Variants in SF3A2 observed in about 807,000 individuals in gnomAD.
The protein encoded by SF3A2 is splicing factor 3a subunit 2, also known as SAP 62.
SF3A2 carries 5 observed loss-of-function variants against 31.1 expected under a neutral mutation model. The observed-to-expected ratio is 0.16, with a 90% CI of 0.08 to 0.34. The LOEUF (loss-of-function observed/expected upper bound fraction) is 0.34. Ranked by LOEUF, SF3A2 falls within the 10% of genes least tolerant of loss-of-function variation. SF3A2 has a pLI of 1.00. For missense variants in SF3A2, 577 were observed against 643.9 expected (o/e 0.90, Z 1.13); for synonymous variants, 365 against 263.7 (o/e 1.38, Z -3.72).
chr19:2,242,184 G>A (rs560064690), intron 1 of SF3A2, among the ~76,000 whole-genome samples: 7 of 151,426 alleles, frequency 4.6e-5, no homozygotes, highest in South Asian at 2.1e-4. Context: ...CACACCTGCG[G>A]CCACTGTGCC....
chr19:2,245,081 G>A lies in SF3A2; in HGVS notation c.245+302G>A. 1 of 514,560 alleles carries A rather than the reference G, an allele frequency of 1.9e-6. No individual in the cohort carries two copies. The highest frequency in any genetic ancestry group is 3.5e-6 in the Non-Finnish European group (1 of 288,744). The allele number at this position is 514,560 out of a possible 1,614,324, so 31.9% of individuals were successfully genotyped here. A position where few individuals can be genotyped will look rare whatever the true frequency, so the allele number is the denominator to read the frequency against. Reference sequence around the variant, plus strand: ...CACGTCTGTAATCACAGCTACTATGGAGGCTGAGGCAGGAGAATCTTGAAT... The same window carrying A: ...CACGTCTGTAATCACAGCTACTATGAAGGCTGAGGCAGGAGAATCTTGAAT... On this transcript the variant is annotated intron_variant, in intron 4 of 8. Transcript: ENST00000221494. This position sits in a 1 kb window ranked among gnomAD's most constrained non-coding sequence, Gnocchi z 4.2.
chr19:2,244,868 C>T (rs150472707), intron 4 of SF3A2, 89 bp downstream of exon 4: 224 of 1,297,186 alleles, frequency 1.7e-4, no homozygotes, highest in Non-Finnish European at 2.3e-4. Context: ...GCTCCACAGC[C>T]GGGGAGCCAG....
At position 2,246,854 on chromosome 19, in the gene SF3A2, G is replaced by GC. The variant is rs771743749; in HGVS notation, c.406-27dup. ...GGCGGCCAAAGGCACCCAAGAGGCG[G>GC]CTCTGCCACCCGGCCGTGTCCCTGC... On this transcript the variant is annotated intron_variant, in intron 6 of 8. Coordinates refer to ENST00000221494, the MANE Select transcript of SF3A2 (RefSeq NM_007165.5). The surrounding 1 kb of genome is among the most constrained non-coding windows in gnomAD (Gnocchi z 5.5). 2 of 1,612,946 alleles carry GC rather than the reference G, an allele frequency of 1.2e-6. No homozygotes were observed. The highest frequency in any genetic ancestry group is 1.7e-6 in the Non-Finnish European group (2 of 1,179,740).
Position 2,245,802 on chromosome 19 carries a change from T to C in SF3A2, c.355+247T>C. ...AGCTGAGCCACAGTCTGTGCCCTCC[T>C]GTCCGGGTCTTGTGGAAGCTTCTGG... On this transcript the variant is annotated intron_variant, in intron 5 of 8. Transcript: ENST00000221494. The surrounding 1 kb of genome is among the most constrained non-coding windows in gnomAD (Gnocchi z 4.2). 2 of 529,590 alleles carry C rather than the reference T, an allele frequency of 3.8e-6. No homozygotes were observed. The highest frequency in any genetic ancestry group is 6.7e-6 in the Non-Finnish European group (2 of 296,340). 32.8% of individuals were successfully genotyped at this position (529,590 alleles called of 1,614,324 possible).
At chr19:2,247,435 C>G (rs769909440) in intron 7 of SF3A2, among the ~76,000 whole-genome samples, 159 bp from the exon 8 acceptor site, 5 of 152,148 alleles carry the variant, frequency 3.3e-5, no homozygotes, top group Non-Finnish European at 5.9e-5. Flanking sequence ...CTGTTTCACT[C>G]CAGAACTGAA....
chr19:2,248,463 C>A lies in SF3A2; in HGVS notation c.1312C>A (p.Pro438Thr), dbSNP rs369459803. The A allele has an allele frequency of 2.4e-6, 3 of 1,271,746 alleles. No homozygotes were observed. Among genetic ancestry groups the A allele is most frequent in the African/African-American group, 3.2e-5 (2 of 63,296 alleles). 78.8% of individuals were successfully genotyped at this position (1,271,746 alleles called of 1,614,324 possible). ...CCCCTCAAATCCTGGGGTGCACCCC[C>A]CAACTCCCATGCCCCCAATGCTGAG... is the stretch of plus-strand genomic sequence containing the variant. ...VHPSNPGVHP[P>T]TPMPPMLRPP... is the part of the protein sequence containing the mutation. Residue 438 changes from proline to threonine, a missense_variant, in exon 9 of 9, where the codon CCA becomes ACA. By Grantham distance (38) the Pro-to-Thr change is conservative (BLOSUM62 -1). Around this residue, in one of 6 missense-constraint regions of SF3A2, gnomAD observed 462 missense variants for 339.1 expected, o/e 1.36. Coordinates refer to ENST00000221494, the MANE Select transcript of SF3A2 (RefSeq NM_007165.5).
chr19:2,244,454 C>A, intron 2 of SF3A2, 90 bp from the exon 3 acceptor site: 1 of 984,888 alleles, frequency 1.0e-6, no homozygotes, highest in South Asian at 1.4e-5. Context: ...TGCCTCCATG[C>A]CTCTACAGAA....
In SF3A2 at chr19:2,243,495, G is replaced by A. The variant is rs1420615099; in HGVS notation, c.77G>A (p.Arg26His). Residue 26 changes from arginine (R) to histidine (H), a missense_variant, in exon 2 of 9, where the codon CGC (arginine) becomes CAC (histidine). By Grantham distance (29) the Arg-to-His change is conservative. Around this residue, in one of 6 missense-constraint regions of SF3A2, gnomAD observed 40 missense variants for 50.0 expected, o/e 0.80. Coordinates refer to ENST00000221494, the MANE Select transcript of SF3A2 (RefSeq NM_007165.5). Reference sequence around the variant, plus strand: ...TCCTCCTCCGAGAGCAACCGTGACCGCAGGGAGCGCCTCCGGCAGCTGGCC... The same window carrying A: ...TCCTCCTCCGAGAGCAACCGTGACCACAGGGAGCGCCTCCGGCAGCTGGCC... The part of the protein sequence containing the change: ...VASSSESNRD[R>H]RERLRQLALE... 1 of 1,549,598 alleles carries A rather than the reference G, an allele frequency of 6.5e-7. No homozygotes were observed. The highest frequency in any genetic ancestry group is 8.6e-7 in the Non-Finnish European group (1 of 1,156,412).
chr19:2,240,337 C>T (rs2024878824), intron 1 of SF3A2, among the ~76,000 whole-genome samples: 1 of 152,240 alleles, frequency 6.6e-6, no homozygotes, highest in Non-Finnish European at 1.5e-5. Context: ...GTCTCTCTAA[C>T]TCTAGAGGCC....
intron 1 of SF3A2, among the ~76,000 whole-genome samples, chr19:2,242,975 C>T (rs2024903828): frequency 6.6e-6 from 1 of 152,180 alleles, no homozygotes; most frequent in Non-Finnish European, 1.5e-5. Flanking sequence ...AAGGCGTGAA[C>T]ACTAGGGGCT....
Position 2,247,934 on chromosome 19 carries a change from G to A in SF3A2, c.783G>A (p.Leu261=). 6.6e-7 allele frequency: 1 copy of A among 1,513,466 alleles called. No homozygotes were observed. The highest frequency in any genetic ancestry group is 9.0e-7 in the Non-Finnish European group (1 of 1,109,634). 93.8% of individuals were successfully genotyped at this position (1,513,466 alleles called of 1,614,324 possible). ...CGCCCCCGCCAGGAGGCCTGCCTCT[G>A]CCACCCATGCCCCCCACAGGGCCTG... is the stretch of plus-strand genomic sequence containing the variant. ...LPPPPPGGLP[L]PPMPPTGPAP... The change falls in exon 9 of 9, where the codon CTG becomes CTA. Residue 261 remains leucine (L), a synonymous_variant. Coordinates refer to ENST00000221494, the MANE Select transcript of SF3A2 (RefSeq NM_007165.5).
At position 2,244,715 on chromosome 19, in the gene SF3A2, G is replaced by GTTTCCT; in HGVS notation, c.199-15_199-10dup. 1 of 1,614,026 alleles carries GTTTCCT rather than the reference G, an allele frequency of 6.2e-7. No individual in the cohort carries two copies. The highest frequency in any genetic ancestry group is 1.6e-4 in the Middle Eastern group (1 of 6,062). On this transcript the variant is annotated splice_polypyrimidine_tract_variant and intron_variant, in intron 3 of 8. Coordinates refer to ENST00000221494, the MANE Select transcript of SF3A2 (RefSeq NM_007165.5). Reference sequence around the variant, plus strand: ...GTCCGCCCGGCCTCGAGTCATGCGTGTTTCCTTTCCACTCCAGGGGAGCTA... The same window carrying GTTTCCT: ...GTCCGCCCGGCCTCGAGTCATGCGTGTTTCCTTTTCCTTTCCACTCCAGGGGAGCTA...
chr19:2,245,749 ACC>A lies in SF3A2; in HGVS notation c.355+196_355+197del. The A allele has an allele frequency of 1.7e-6, 1 of 587,996 alleles. No homozygotes were observed. Among genetic ancestry groups the A allele is most frequent in the Non-Finnish European group, 3.1e-6 (1 of 327,828 alleles). 36.4% of individuals were successfully genotyped at this position (587,996 alleles called of 1,614,324 possible). On this transcript the variant is annotated intron_variant, in intron 5 of 8. Coordinates refer to ENST00000221494, the MANE Select transcript of SF3A2 (RefSeq NM_007165.5). This position sits in a 1 kb window ranked among gnomAD's most constrained non-coding sequence, Gnocchi z 4.2. ...AGCTGTCAGGCTGGGCCCGATAAGC[ACC>A]CATCTCACCCAGCAGCCCATTTCCC...
intron 1 of SF3A2, chr19:2,237,266 A>T (rs896647862): frequency 3.3e-5 from 5 of 151,544 alleles, no homozygotes; most frequent in East Asian, 1.9e-4. Context: ...AAAAAATTTT[A>T]AAAAATTAGC....
At chr19:2,239,298 G>C (rs901940367) in intron 1 of SF3A2, among the ~76,000 whole-genome samples, 3 of 151,656 alleles carry the variant, frequency 2.0e-5, no homozygotes, top group African/African-American at 4.9e-5. Flanking sequence ...CTGGGAGGTG[G>C]AGGTTGCAGT....
Position 2,247,826 on chromosome 19 carries a change from T to C in SF3A2, c.675T>C (p.Ala225=), listed in dbSNP as rs778637640. ...CCCCGGCTCCACCCAGCCTCCCTGC[T>C]GGCCCCCCTGGGGTGAAGCGGCCTC... ...EKPPAPPSLP[A]GPPGVKRPPP... The change falls in exon 9 of 9, where the codon GCT becomes GCC. Residue 225 remains alanine, a synonymous_variant. Transcript: ENST00000221494. 3.7e-6 allele frequency: 6 copies of C among 1,603,382 alleles called. No individual in the cohort carries two copies. In the South Asian group the frequency reaches 5.5e-5, roughly 15 times the overall value.
At position 2,246,996 on chromosome 19, in the gene SF3A2, G is replaced by A. The variant is rs753780426; in HGVS notation, c.520G>A (p.Glu174Lys). 2.5e-6 allele frequency: 4 copies of A among 1,604,882 alleles called. No individual in the cohort carries two copies. Among genetic ancestry groups the A allele is most frequent in the Non-Finnish European group, 3.4e-6 (4 of 1,178,954 alleles). ...CTGGCAGTACCTGCTCATGGCCGCCGAGCCCTACGAGACCATTGCCTTCAA... is the reference window on the plus strand; with the variant it reads ...CTGGCAGTACCTGCTCATGGCCGCCAAGCCCTACGAGACCATTGCCTTCAA... ...RRWQYLLMAA[E>K]PYETIAFKVP... Residue 174 changes from glutamate (E) to lysine (K), a missense_variant, in exon 7 of 9, where the codon GAG becomes AAG. Glu to Lys is a moderately conservative substitution (Grantham distance 56). Around this residue, in one of 6 missense-constraint regions of SF3A2, gnomAD observed 37 missense variants for 85.0 expected, o/e 0.44. Transcript: ENST00000221494. This position sits in a 1 kb window ranked among gnomAD's most constrained non-coding sequence, Gnocchi z 5.5.
In SF3A2 at chr19:2,245,192, A is replaced by G; in HGVS notation, c.246-254A>G. The G allele has an allele frequency of 2.0e-6, 1 of 506,562 alleles. No individual in the cohort carries two copies. The highest frequency in any genetic ancestry group is 3.6e-5 in the Admixed American group (1 of 27,820). 31.4% of individuals were successfully genotyped at this position (506,562 alleles called of 1,614,324 possible). On this transcript the variant is annotated intron_variant, in intron 4 of 8. Transcript: ENST00000221494. This position sits in a 1 kb window ranked among gnomAD's most constrained non-coding sequence, Gnocchi z 4.2. ...GAGTGAGACTCTTGTCTTATTAAAA[A>G]AAAAAAAAAAGAGCAGAGGCATGGA...
At chr19:2,239,381 A>AG (rs1384224114) in intron 1 of SF3A2, among the ~76,000 whole-genome samples, 1 of 149,364 alleles carries the variant, frequency 6.7e-6, no homozygotes, top group African/African-American at 2.5e-5. Flanking sequence ...AAAAAGAGAG[A>AG]GAAAAAAATC....
Sources: allele counts gnomAD v4.1 joint callset (sites outside exome capture counted in the v4.1 genomes callset), GRCh38; gene constraint gnomAD v4.1.1; regional missense constraint gnomAD v4.1.1; non-coding constraint Gnocchi (gnomAD v3.1); transcripts MANE v1.5; gene names NCBI Gene and HGNC (gene_info 2026-07-23, HGNC 2026-07-21).